Variants in ATP8A2 observed in about 807,000 individuals in gnomAD.
ATP8A2 encodes phospholipid-transporting ATPase IB.
ATP8A2 carries 100 observed loss-of-function variants against 165.6 expected under a neutral mutation model. The observed-to-expected ratio is 0.60, with a 90% confidence interval of 0.51 to 0.71. ATP8A2 has a LOEUF of 0.71. Among genes scored for constraint, ATP8A2 ranks in the 30% least tolerant of loss-of-function variants. The pLI is 0.00. For missense variants in ATP8A2, 1,227 were observed against 1,479.5 expected (o/e 0.83, Z 2.80); for synonymous variants, 543 against 548.8 (o/e 0.99, Z 0.15).
intron 24 of ATP8A2, among the ~76,000 whole-genome samples, chr13:25,671,726 C>A (rs34017502): frequency 6.6e-6 from 1 of 152,056 alleles, no homozygotes; most frequent in Admixed American, 6.5e-5. Context: ...TCAATGACAA[C>A]GGTGGCCAAA....
chr13:25,453,089 G>A (rs374991858), intron 1 of ATP8A2, among the ~76,000 whole-genome samples: 2 of 151,966 alleles, frequency 1.3e-5, no homozygotes, highest in East Asian at 3.9e-4. Context: ...GTGAGACTCC[G>A]TCTTTAAAAA....
intron 33 of ATP8A2, among the ~76,000 whole-genome samples, chr13:25,907,546 AG>A (rs1348223591): frequency 6.6e-6 from 1 of 152,166 alleles, no homozygotes; most frequent in African/African-American, 2.4e-5. Flanking sequence ...TTATTGACTG[AG>A]CCACTCAACA....
Position 25,553,822 on chromosome 13 carries a change from C to G in ATP8A2, c.1087C>G (p.Leu363Val), listed in dbSNP as rs1447049777. The G allele has an allele frequency of 1.9e-6, 3 of 1,613,704 alleles. No homozygotes were observed. Among genetic ancestry groups the G allele is most frequent in the Middle Eastern group, 1.7e-4 (1 of 6,060 alleles). Residue 363 changes from leucine to valine, a missense_variant, in exon 12 of 37, where the codon CTA becomes GTA. Physicochemically the swap from Leu to Val is conservative, Grantham distance 32 (BLOSUM62 1). Around this residue, in one of 5 missense-constraint regions of ATP8A2, gnomAD observed 592 missense variants for 785.6 expected, o/e 0.75. Coordinates refer to ENST00000381655, the MANE Select transcript of ATP8A2 (RefSeq NM_016529.6). ...CACCTCAGATAATTTTGGATACAAC[C>G]TACTGACGTTCATCATCTTATACAA... ...DTTSDNFGYNLLTFIILYNNL... is the reference protein window; with the variant it reads ...DTTSDNFGYNVLTFIILYNNL...
Position 25,549,112 on chromosome 13 carries a change from T to C in ATP8A2, c.892-2226T>C, listed in dbSNP as rs1267512843. ...CACAAGGTACCATTTTTATGGTTAG[T>C]GCCTTACAAACTCTCAGATTATCCA... On this transcript the variant is annotated intron_variant, in intron 10 of 36. Transcript: ENST00000381655. Among the ~76,000 whole-genome samples the C allele has an allele frequency of 7.9e-5, 12 of 152,274 alleles. 3 individuals are homozygous for C. The highest frequency in any genetic ancestry group is 6.5e-4 in the Admixed American group (10 of 15,288).
chr13:25,467,108 C>G (rs2137509999), intron 1 of ATP8A2, among the ~76,000 whole-genome samples: 1 of 152,304 alleles, frequency 6.6e-6, no homozygotes, highest in East Asian at 1.9e-4. Flanking sequence ...AGTAGACGAC[C>G]AAGCAGTGTC....
chr13:25,944,586 A>G (rs7990274), intron 33 of ATP8A2: 58,335 of 151,734 alleles, frequency 0.38, 11,570 homozygotes, highest in African/African-American at 0.49. Flanking sequence ...AATCTGCACT[A>G]ATTTGGCATC....
intron 33 of ATP8A2, among the ~76,000 whole-genome samples, chr13:25,950,525 G>A (rs1276396300): frequency 6.6e-6 from 1 of 152,116 alleles, no homozygotes; most frequent in African/African-American, 2.4e-5. Context: ...GGAAAATTGG[G>A]AAATGTCTTC....
Position 25,769,075 on chromosome 13 carries a change from T to C in ATP8A2, c.2414T>C (p.Val805Ala), listed in dbSNP as rs1482862551. 2 of 1,614,048 alleles carry C rather than the reference T, an allele frequency of 1.2e-6. No homozygotes were observed. Among genetic ancestry groups the C allele is most frequent in the Non-Finnish European group, 1.7e-6 (2 of 1,180,020 alleles). ...TCTCCTCTGCAGAAGTCTGAGATAGTGGATGTGGTGAAGAAGCGGGTGAAG... is the reference window on the plus strand; with the variant it reads ...TCTCCTCTGCAGAAGTCTGAGATAGCGGATGTGGTGAAGAAGCGGGTGAAG... ...RVSPLQKSEI[V>A]DVVKKRVKAI... Residue 805 changes from valine to alanine, a missense_variant, in exon 26 of 37, where the codon GTG (valine) becomes GCG (alanine). By Grantham distance (64) the Val-to-Ala change is moderately conservative. Coordinates refer to ENST00000381655, the MANE Select transcript of ATP8A2 (RefSeq NM_016529.6).
chr13:25,727,060 G>A (rs2043510025), intron 25 of ATP8A2, among the ~76,000 whole-genome samples: 1 of 152,116 alleles, frequency 6.6e-6, no homozygotes, highest in African/African-American at 2.4e-5. Flanking sequence ...TCTCCATCAG[G>A]GGTACATGCA....
At chr13:25,687,964 TG>T (rs1258827220) in intron 24 of ATP8A2, among the ~76,000 whole-genome samples, 3 of 152,096 alleles carry the variant, frequency 2.0e-5, no homozygotes, top group Non-Finnish European at 4.4e-5. Flanking sequence ...GACTCTGGGA[TG>T]AAGTCCAAGT....
chr13:25,897,833 C>G (rs1223058977), intron 33 of ATP8A2, among the ~76,000 whole-genome samples: 1 of 152,236 alleles, frequency 6.6e-6, no homozygotes, highest in African/African-American at 2.4e-5. Context: ...GCATCGGTTA[C>G]TGAGGCTTGT....
intron 1 of ATP8A2, among the ~76,000 whole-genome samples, chr13:25,423,119 A>G (rs890986568): frequency 1.3e-5 from 2 of 152,032 alleles, no homozygotes; most frequent in African/African-American, 4.8e-5. Context: ...ATCAACTTCC[A>G]CCCTCTGACT....
In ATP8A2 at chr13:25,498,086, G is replaced by A. The variant is rs150906383; in HGVS notation, c.221+28965G>A. ...CATACATGTGGACACACGTGCTCCGGATATGAGTTGAAAATTTTGGGCACC... is the reference window on the plus strand; with the variant it reads ...CATACATGTGGACACACGTGCTCCGAATATGAGTTGAAAATTTTGGGCACC... On this transcript the variant is annotated intron_variant, in intron 2 of 36. Transcript: ENST00000381655. Among the ~76,000 whole-genome samples, 230 of 152,298 alleles carry A rather than the reference G, an allele frequency of 1.5e-3. 1 individual carries two copies. The highest frequency in any genetic ancestry group is 2.8e-3 in the Non-Finnish European group (188 of 68,034).
intron 24 of ATP8A2, among the ~76,000 whole-genome samples, chr13:25,690,075 T>C (rs1187415547): frequency 6.6e-6 from 1 of 152,038 alleles, no homozygotes; most frequent in African/African-American, 2.4e-5. Flanking sequence ...ATTAAGCATA[T>C]TAGGGTTGCT....
chr13:25,461,505 C>A (rs2035501479), intron 1 of ATP8A2, among the ~76,000 whole-genome samples: 1 of 152,146 alleles, frequency 6.6e-6, no homozygotes, highest in Non-Finnish European at 1.5e-5. Flanking sequence ...ACACGTGCCT[C>A]ATGTTACGAA....
At chr13:25,737,370 G>C (rs1482736116) in intron 25 of ATP8A2, among the ~76,000 whole-genome samples, 2 of 152,198 alleles carry the variant, frequency 1.3e-5, no homozygotes, top group Non-Finnish European at 1.5e-5. Flanking sequence ...AAAATTTCAA[G>C]TTAAGCAAAC....
chr13:25,555,356 T>C (rs1405105936), intron 13 of ATP8A2, among the ~76,000 whole-genome samples: 1 of 151,958 alleles, frequency 6.6e-6, no homozygotes, highest in East Asian at 1.9e-4. Flanking sequence ...CTTAAAAAAG[T>C]GTTATCAGAA....
chr13:25,798,140 T>G (rs928157163), intron 27 of ATP8A2, among the ~76,000 whole-genome samples: 6 of 152,230 alleles, frequency 3.9e-5, no homozygotes, highest in Non-Finnish European at 7.3e-5. Flanking sequence ...CCTTCACCCT[T>G]GAGAATCTCC....
chr13:25,645,534 T>C lies in ATP8A2; in HGVS notation c.2212-53639T>C, dbSNP rs548159143. Among the ~76,000 whole-genome samples, 33 of 152,318 alleles carry C rather than the reference T, an allele frequency of 2.2e-4. 1 individual carries two copies. In the South Asian group the frequency reaches 6.6e-3, roughly 31 times the overall value. On this transcript the variant is annotated intron_variant, in intron 24 of 36. Coordinates refer to ENST00000381655, the MANE Select transcript of ATP8A2 (RefSeq NM_016529.6). ...TTTCTCTGAGATCATTCTTCTTTCT[T>C]AGCATAGGCATTTATTGCTGTAAAA...
Sources: gnomAD v4.1 joint callset for allele counts (sites outside exome capture counted in the v4.1 genomes callset) on GRCh38, gnomAD v4.1.1 for gene constraint, gnomAD v4.1.1 regional missense constraint, MANE v1.5 for transcripts, NCBI Gene and HGNC (gene_info 2026-07-23, HGNC 2026-07-21) for gene names.